M1AP: variants seen among roughly 807,000 people sequenced by gnomAD.
M1AP encodes meiosis 1 arrest protein.
A neutral mutation model predicts 51.2 loss-of-function variants in M1AP; 39 were observed. The observed-to-expected ratio is 0.76, with a 90% confidence interval of 0.59 to 1.00. The LOEUF is 1.00. Among genes scored for constraint, M1AP ranks in the 50% least tolerant of loss-of-function variants. The probability of loss-of-function intolerance (pLI) is 0.00; values close to 1 mark genes in which losing one functional copy is unlikely to be tolerated. For synonymous variants in M1AP, 251 were observed against 249.2 expected, an observed-to-expected ratio of 1.01 and a Z score of -0.07; for missense variants, 545 against 641.2, an observed-to-expected ratio of 0.85 and a Z score of 1.62.
intron 6 of M1AP, 111 bp downstream of exon 6, chr2:74,576,345 G>A: frequency 8.4e-7 from 1 of 1,195,166 alleles, no homozygotes; most frequent in Non-Finnish European, 1.2e-6. Flanking sequence ...CTTCGGAACT[G>A]ACTCTTGCCT....
intron 5 of M1AP, among the ~76,000 whole-genome samples, chr2:74,577,934 A>C (rs762553117): frequency 1.3e-5 from 2 of 152,150 alleles, no homozygotes; most frequent in Non-Finnish European, 2.9e-5. Context: ...CAATTTTTCC[A>C]TGGGGTGGTG....
intron 1 of M1AP, among the ~76,000 whole-genome samples, chr2:74,641,204 C>A (rs7603085): frequency 6.6e-6 from 1 of 152,050 alleles, no homozygotes; most frequent in African/African-American, 2.4e-5. Flanking sequence ...TGTTCTTCGC[C>A]TCAAGATTTT....
chr2:74,635,061 GT>G (rs1472058964), intron 2 of M1AP, among the ~76,000 whole-genome samples: 1 of 152,042 alleles, frequency 6.6e-6, no homozygotes, highest in Non-Finnish European at 1.5e-5. Context: ...TAGAATTGAT[GT>G]TATTTTTCTT....
intron 6 of M1AP, among the ~76,000 whole-genome samples, chr2:74,576,132 T>C (rs759060445): frequency 2.6e-5 from 4 of 152,254 alleles, no homozygotes; most frequent in Non-Finnish European, 5.9e-5. Context: ...AGGTTGGATC[T>C]CTGTCTTGAT....
chr2:74,607,374 T>C (rs1355334930), intron 3 of M1AP, 151 bp from the exon 4 acceptor site: 5 of 714,800 alleles, frequency 7.0e-6, no homozygotes, highest in Non-Finnish European at 1.1e-5. Context: ...TAACTTAAAA[T>C]CAAATTTTAT....
intron 5 of M1AP, among the ~76,000 whole-genome samples, chr2:74,579,727 T>C (rs1388123579): frequency 6.6e-6 from 1 of 152,200 alleles, no homozygotes; most frequent in Non-Finnish European, 1.5e-5. Flanking sequence ...GGTAAAATAC[T>C]ACTTCTAAGT....
At chr2:74,646,427 G>A in intron 1 of M1AP, among the ~76,000 whole-genome samples, 1 of 152,198 alleles carries the variant, frequency 6.6e-6, no homozygotes, top group East Asian at 1.9e-4. Context: ...GGAATTTAGT[G>A]AAGGCAAACT....
intron 3 of M1AP, among the ~76,000 whole-genome samples, chr2:74,612,792 G>A (rs1054648087): frequency 2.0e-5 from 3 of 152,192 alleles, no homozygotes; most frequent in Non-Finnish European, 2.9e-5. Flanking sequence ...TGGTTTAATG[G>A]TGTTCTCTGA....
At chr2:74,561,586 T>A (rs978511849) in intron 8 of M1AP, among the ~76,000 whole-genome samples, 3 of 151,960 alleles carry the variant, frequency 2.0e-5, no homozygotes, top group Admixed American at 6.6e-5. Context: ...ATTTTTTGGG[T>A]CTCCTTTTAT....
At chr2:74,590,554 T>C (rs1258747737) in intron 4 of M1AP, among the ~76,000 whole-genome samples, 5 of 152,190 alleles carry the variant, frequency 3.3e-5, no homozygotes, top group Admixed American at 3.3e-4. Context: ...AACAGATGAA[T>C]TGGGTAAGAA....
intron 2 of M1AP, among the ~76,000 whole-genome samples, chr2:74,637,914 C>T (rs1683076792): frequency 6.6e-6 from 1 of 152,192 alleles, no homozygotes; most frequent in Non-Finnish European, 1.5e-5. Context: ...GTAGCTCCTT[C>T]TCCTCTAGCT....
intron 9 of M1AP, 137 bp from the exon 10 acceptor site, chr2:74,559,846 C>T (rs546281899): frequency 5.9e-6 from 4 of 676,662 alleles, no homozygotes; most frequent in East Asian, 2.7e-5. Flanking sequence ...TTTTCTTTCA[C>T]GAGGACTGTG....
chr2:74,632,454 C>A (rs925954049), intron 2 of M1AP, among the ~76,000 whole-genome samples: 26 of 152,164 alleles, frequency 1.7e-4, no homozygotes, highest in African/African-American at 6.3e-4. Flanking sequence ...GAGAAGGAAG[C>A]CTTAAAGACA....
At chr2:74,602,289 GTGATAGAAAGATA>G (rs1182974837) in intron 4 of M1AP, among the ~76,000 whole-genome samples, 1 of 152,058 alleles carries the variant, frequency 6.6e-6, no homozygotes, top group Non-Finnish European at 1.5e-5. Context: ...ATAATCGTTA[GTGATAGAAAGATA>G]TATAAGACAC....
chr2:74,645,502 C>T (rs946001703), intron 1 of M1AP, among the ~76,000 whole-genome samples: 1 of 152,134 alleles, frequency 6.6e-6, no homozygotes, highest in Non-Finnish European at 1.5e-5. Flanking sequence ...TTAAACAGGG[C>T]GAGGGTGGAA....
chr2:74,600,353 G>A (rs1439180977), intron 4 of M1AP, among the ~76,000 whole-genome samples: 1 of 152,188 alleles, frequency 6.6e-6, no homozygotes. Flanking sequence ...AGAATATTAA[G>A]AGACTGGCTT....
intron 7 of M1AP, among the ~76,000 whole-genome samples, chr2:74,574,602 T>C (rs1678942320): frequency 6.6e-6 from 1 of 152,236 alleles, no homozygotes; most frequent in Non-Finnish European, 1.5e-5. Flanking sequence ...GCCCAAGTAA[T>C]ATTTTAAAAA....
At chr2:74,581,328 A>G (rs780471994) in intron 5 of M1AP, among the ~76,000 whole-genome samples, 3 of 152,224 alleles carry the variant, frequency 2.0e-5, no homozygotes, top group Admixed American at 6.5e-5. Context: ...GCTCCAAACT[A>G]TAATGTCAAT....
At chr2:74,578,045 T>G (rs1352287991) in intron 5 of M1AP, among the ~76,000 whole-genome samples, 1 of 152,182 alleles carries the variant, frequency 6.6e-6, no homozygotes, top group Admixed American at 6.5e-5. Context: ...CAATAGGGTT[T>G]GGGCTTCTAT....
Sources: gnomAD v4.1 joint callset for allele counts (sites outside exome capture counted in the v4.1 genomes callset) on GRCh38, gnomAD v4.1.1 for gene constraint, MANE v1.5 for transcripts, NCBI Gene and HGNC (gene_info 2026-07-23, HGNC 2026-07-21) for gene names.